METTL8: variants seen among roughly 807,000 people sequenced by gnomAD.
METTL8 encodes the protein methyltransferase 8, tRNA N3-cytidine, also known as tRNA N(3)-cytidine methyltransferase METTL8, mitochondrial.
A neutral mutation model predicts 48.7 loss-of-function variants in METTL8; 32 were observed. That is an observed-to-expected ratio of 0.66 (90% CI 0.50 to 0.88). The LOEUF (loss-of-function observed/expected upper bound fraction) is 0.88, where lower values mean the gene tolerates loss of function less well. METTL8 is among the 40% of genes least tolerant of loss of function. The probability of loss-of-function intolerance (pLI) is 0.00; values close to 1 mark genes in which losing one functional copy is unlikely to be tolerated. For synonymous variants in METTL8, 136 were observed against 157.1 expected, an observed-to-expected ratio of 0.87 and a Z score of 1.01; for missense variants, 464 against 474.4, an observed-to-expected ratio of 0.98 and a Z score of 0.20.
chr2:171,342,973 G>T (rs1686925836), intron 3 of METTL8, among the ~76,000 whole-genome samples: 1 of 151,970 alleles, frequency 6.6e-6, no homozygotes, highest in Non-Finnish European at 1.5e-5. Flanking sequence ...AGGAATTCAA[G>T]ATGAGCCTGG....
chr2:171,424,251 T>C (rs148857711), intron 1 of METTL8, among the ~76,000 whole-genome samples: 2,999 of 152,300 alleles, frequency 0.02, 46 homozygotes, highest in Non-Finnish European at 0.029. Flanking sequence ...GAACCTCTGC[T>C]ATGGCAGTGC....
At chr2:171,409,849 G>A (rs1690571595) in intron 1 of METTL8, among the ~76,000 whole-genome samples, 1 of 152,162 alleles carries the variant, frequency 6.6e-6, no homozygotes, top group Non-Finnish European at 1.5e-5. Flanking sequence ...ACTATGGTGT[G>A]GGGAAGGCAG....
At chr2:171,380,567 A>G (rs892109209) in intron 2 of METTL8, among the ~76,000 whole-genome samples, 4 of 152,236 alleles carry the variant, frequency 2.6e-5, no homozygotes, top group African/African-American at 9.6e-5. Context: ...AAACAAAATC[A>G]ATGTGCAAAA....
Position 171,402,093 on chromosome 2 carries a change from G to A in METTL8, c.-12-9896C>T, listed in dbSNP as rs535620473. On this transcript the variant is annotated intron_variant, in intron 1 of 9. Transcript: ENST00000375258. ...ATGAAAGATTAAGTCTACTAGTGGT[G>A]GCTCTGAGAAGCTTTCTGGTAGAGG... Among the ~76,000 whole-genome samples, 6 of 152,232 alleles carry A rather than the reference G, an allele frequency of 3.9e-5. No individual in the cohort carries two copies. The East Asian group carries it at 7.7e-4, about 20-fold the overall frequency.
At chr2:171,325,355 A>C (rs1575706677) in intron 9 of METTL8, among the ~76,000 whole-genome samples, 1 of 151,956 alleles carries the variant, frequency 6.6e-6, no homozygotes, top group Non-Finnish European at 1.5e-5. Flanking sequence ...CAGCTAATTA[A>C]AAAAAAATTG....
intron 2 of METTL8, among the ~76,000 whole-genome samples, chr2:171,381,227 C>A (rs1267655926): frequency 6.6e-6 from 1 of 152,212 alleles, no homozygotes; most frequent in Non-Finnish European, 1.5e-5. Flanking sequence ...AACCGGACTC[C>A]TTCCTTAGAC....
At chr2:171,373,606 G>C (rs1460286874) in intron 2 of METTL8, among the ~76,000 whole-genome samples, 1 of 152,094 alleles carries the variant, frequency 6.6e-6, no homozygotes, top group Non-Finnish European at 1.5e-5. Flanking sequence ...GAGTTTTTAT[G>C]GTTTTAGATC....
intron 1 of METTL8, among the ~76,000 whole-genome samples, chr2:171,418,294 T>C (rs779453105): frequency 1.3e-5 from 2 of 152,164 alleles, no homozygotes; most frequent in Non-Finnish European, 2.9e-5. Flanking sequence ...ATCTCAGATT[T>C]TCCTTGTTTA....
In METTL8 at chr2:171,339,256, A is replaced by T. The variant is rs1476642153; in HGVS notation, c.534T>A (p.Ser178=). ...CCATAGGTCCTTTTTTGTGTTTTTC[A>T]GAGTCTAGGTTGGAAAAATCAGATT... is the stretch of plus-strand genomic sequence containing the variant. The part of the protein sequence containing the change: ...KTESDFSNLD[S]EKHKKGPMET... Residue 178 remains serine, a synonymous_variant, in exon 4 of 10, where the codon TCT becomes TCA. Transcript: ENST00000375258. 4.4e-6 allele frequency: 7 copies of T among 1,607,046 alleles called. No homozygotes were observed. The highest frequency in any genetic ancestry group is 2.7e-5 in the African/African-American group (2 of 74,476).
intron 3 of METTL8, among the ~76,000 whole-genome samples, chr2:171,342,387 A>T (rs892625528): frequency 4.6e-5 from 7 of 152,234 alleles, no homozygotes; most frequent in African/African-American, 7.2e-5. Context: ...ATGGAAAGAA[A>T]CCTATTTATG....
chr2:171,417,537 A>G (rs984942449), intron 1 of METTL8, among the ~76,000 whole-genome samples: 1 of 152,224 alleles, frequency 6.6e-6, no homozygotes, highest in African/African-American at 2.4e-5. Context: ...ATTGAAGCAC[A>G]GAGAAGTTAA....
At chr2:171,346,753 T>C (rs1221703990) in intron 3 of METTL8, among the ~76,000 whole-genome samples, 1 of 152,216 alleles carries the variant, frequency 6.6e-6, no homozygotes, top group Admixed American at 6.5e-5. Flanking sequence ...AGGTCACTGC[T>C]TCCTCTGGGG....
chr2:171,333,968 T>C (rs1685816681), intron 5 of METTL8, among the ~76,000 whole-genome samples: 1 of 152,204 alleles, frequency 6.6e-6, no homozygotes, highest in African/African-American at 2.4e-5. Context: ...ACTCAATAAA[T>C]GTTAGTCATT....
At chr2:171,434,467 G>A (rs80336595), upstream of METTL8, 8 of 1,509,426 alleles carry the variant, frequency 5.3e-6, 1 homozygote, top group East Asian at 2.5e-5. Context: ...CCTGGGCCCC[G>A]CCGGGAAAGT....
intron 2 of METTL8, among the ~76,000 whole-genome samples, chr2:171,372,899 T>C (rs1411101494): frequency 6.6e-6 from 1 of 152,226 alleles, no homozygotes. Context: ...GACATTTGGA[T>C]TGGTTCCAAG....
chr2:171,364,301 C>T (rs1685500243), intron 2 of METTL8, among the ~76,000 whole-genome samples: 1 of 152,076 alleles, frequency 6.6e-6, no homozygotes, highest in Non-Finnish European at 1.5e-5. Flanking sequence ...AAAACCTGTA[C>T]TCTATGTTTA....
chr2:171,359,760 G>A (rs1447400573), intron 3 of METTL8, among the ~76,000 whole-genome samples: 1 of 151,980 alleles, frequency 6.6e-6, no homozygotes, highest in African/African-American at 2.4e-5. Flanking sequence ...CTACAGGCAT[G>A]TGCCACCACG....
intron 3 of METTL8, among the ~76,000 whole-genome samples, chr2:171,356,630 T>C (rs139558760): frequency 2.6e-3 from 390 of 152,284 alleles, no homozygotes; most frequent in African/African-American, 8.4e-3. Context: ...TCCACTGTTT[T>C]AGCTCCCACA....
chr2:171,390,171 T>C (rs1688457622), intron 2 of METTL8, among the ~76,000 whole-genome samples: 1 of 152,194 alleles, frequency 6.6e-6, no homozygotes, highest in African/African-American at 2.4e-5. Flanking sequence ...CATCTGTTTA[T>C]AGCATGGTTT....
Sources: gnomAD v4.1 joint callset for allele counts (sites outside exome capture counted in the v4.1 genomes callset) on GRCh38, gnomAD v4.1.1 for gene constraint, MANE v1.5 for transcripts, NCBI Gene and HGNC (gene_info 2026-07-23, HGNC 2026-07-21) for gene names.